GALNT13: variants seen among roughly 807,000 people sequenced by gnomAD.
GALNT13 encodes polypeptide N-acetylgalactosaminyltransferase 13.
In GALNT13, 28 loss-of-function variants were observed where a neutral mutation model predicts 64.2. That is an observed-to-expected ratio of 0.44 (90% confidence interval 0.32 to 0.60). GALNT13 has a LOEUF of 0.60. Ranked by LOEUF, GALNT13 falls within the 20% of genes least tolerant of loss-of-function variation. GALNT13 has a pLI of 0.05. For synonymous variants in GALNT13, 214 were observed against 224.6 expected (o/e 0.95, Z 0.42); for missense variants, 577 against 669.8 (o/e 0.86, Z 1.53).
chr2:153,852,121 G>T, the GALNT13 span, among the ~76,000 whole-genome samples: 1 of 151,184 alleles, frequency 6.6e-6, no homozygotes, highest in East Asian at 1.9e-4. Flanking sequence ...AGAAATAGAA[G>T]TAAAAAAAAA....
chr2:153,488,686 A>G, the GALNT13 span, among the ~76,000 whole-genome samples: 142 of 152,336 alleles, frequency 9.3e-4, no homozygotes, highest in Non-Finnish European at 1.7e-3. Context: ...ATCCAGAGCT[A>G]TTTCCAGTAT....
intron 11 of GALNT13, among the ~76,000 whole-genome samples, chr2:154,423,227 C>A (rs1487605136): frequency 4.6e-5 from 7 of 152,076 alleles, no homozygotes; most frequent in African/African-American, 1.7e-4. Context: ...CATGTCCCTG[C>A]AAAGGACATG....
chr2:154,175,959 A>G (rs988912145), intron 4 of GALNT13, among the ~76,000 whole-genome samples: 1 of 152,112 alleles, frequency 6.6e-6, no homozygotes, highest in Non-Finnish European at 1.5e-5. Flanking sequence ...TTAAGGAAAC[A>G]TATTTTCCCC....
chr2:154,372,356 T>C (rs1329387637), intron 9 of GALNT13, among the ~76,000 whole-genome samples: 2 of 152,016 alleles, frequency 1.3e-5, no homozygotes, highest in Admixed American at 6.6e-5. Flanking sequence ...CCAGATGTAC[T>C]GATTGATTTG....
rs188226051 is a variant in GALNT13, at chr2:153,973,384, T to C, written c.142+28745T>C. ...AGAGTTACTGATGTTTACAAAGAAT[T>C]ACCACAAATCCTTTAATACACTATT... On this transcript the variant is annotated intron_variant, in intron 3 of 12. Coordinates refer to ENST00000392825, the MANE Select transcript of GALNT13 (RefSeq NM_052917.4). 3.7e-4 allele frequency among the ~76,000 whole-genome samples: 56 copies of C among 152,112 alleles called. 1 individual carries two copies. The highest frequency in any genetic ancestry group is 5.9e-5 in the Non-Finnish European group (4 of 67,908).
chr2:153,115,271 A>G, the GALNT13 span, among the ~76,000 whole-genome samples: 1 of 152,154 alleles, frequency 6.6e-6, no homozygotes, highest in Non-Finnish European at 1.5e-5. Context: ...TCCATATCCA[A>G]GTTATCCAGG....
intron 4 of GALNT13, among the ~76,000 whole-genome samples, chr2:154,213,940 T>G (rs1377936803): frequency 6.6e-6 from 1 of 152,188 alleles, no homozygotes. Context: ...ATTTTTCTTC[T>G]TAACTACACA....
At chr2:153,835,756 A>ATACTT in the GALNT13 span, among the ~76,000 whole-genome samples, 1 of 152,186 alleles carries the variant, frequency 6.6e-6, no homozygotes, top group Non-Finnish European at 1.5e-5. Context: ...TCATATTAAA[A>ATACTT]TACTTTAAAT....
chr2:154,189,294 T>A lies in GALNT13; in HGVS notation c.311+48789T>A, dbSNP rs148457760. ...GTTGGATAATGTTATGGACTGAATGTTTATGTCCCCAAAATTCATATGTGG... is the reference window on the plus strand; with the variant it reads ...GTTGGATAATGTTATGGACTGAATGATTATGTCCCCAAAATTCATATGTGG... On this transcript the variant is annotated intron_variant, in intron 4 of 12. Transcript: ENST00000392825. Among the ~76,000 whole-genome samples, 32 of 152,018 alleles carry A rather than the reference T, an allele frequency of 2.1e-4. No individual in the cohort carries two copies. In the East Asian group the frequency reaches 5.2e-3, roughly 25 times the overall value.
the GALNT13 span, among the ~76,000 whole-genome samples, chr2:153,547,757 T>C: frequency 3.9e-5 from 6 of 152,172 alleles, no homozygotes; most frequent in Non-Finnish European, 8.8e-5. Context: ...TTTGCAAATA[T>C]TACTGGGCAA....
chr2:153,173,697 C>T, the GALNT13 span, among the ~76,000 whole-genome samples: 1 of 151,936 alleles, frequency 6.6e-6, no homozygotes, highest in African/African-American at 2.4e-5. Context: ...ATACATTCAC[C>T]CCATCCCAAC....
In GALNT13 at chr2:154,054,357, A is replaced by T. The variant is rs529549563; in HGVS notation, c.143-85980A>T. ...TTTCAAATAATTCATTTTTATTTTT[A>T]TGTTATGAACTGACATTCTTTTCCT... On this transcript the variant is annotated intron_variant, in intron 3 of 12. Coordinates refer to ENST00000392825, the MANE Select transcript of GALNT13 (RefSeq NM_052917.4). Among the ~76,000 whole-genome samples, 5 of 151,926 alleles carry T rather than the reference A, an allele frequency of 3.3e-5. No homozygotes were observed. The East Asian group carries it at 7.7e-4, about 24-fold the overall frequency.
At chr2:153,972,279 C>T (rs1417861066) in intron 3 of GALNT13, among the ~76,000 whole-genome samples, 1 of 152,040 alleles carries the variant, frequency 6.6e-6, no homozygotes, top group African/African-American at 2.4e-5. Flanking sequence ...AAATGTTCCA[C>T]AGTCATAGAA....
intron 7 of GALNT13, among the ~76,000 whole-genome samples, chr2:154,253,538 T>G (rs537075499): frequency 1.3e-5 from 2 of 152,286 alleles, no homozygotes; most frequent in South Asian, 4.1e-4. Context: ...AGCATGCACC[T>G]GTCATCCTGA....
At chr2:154,166,135 TG>T (rs1264986695) in intron 4 of GALNT13, among the ~76,000 whole-genome samples, 1 of 152,342 alleles carries the variant, frequency 6.6e-6, no homozygotes, top group East Asian at 1.9e-4. Flanking sequence ...CTGGGCACTG[TG>T]GTTCATGCCT....
At chr2:153,114,614 C>T in the GALNT13 span, among the ~76,000 whole-genome samples, 1 of 152,090 alleles carries the variant, frequency 6.6e-6, no homozygotes, top group Non-Finnish European at 1.5e-5. Flanking sequence ...TTGCTTTTGA[C>T]AACTCAGTGT....
the GALNT13 span, among the ~76,000 whole-genome samples, chr2:153,147,147 G>A: frequency 2.1e-5 from 3 of 139,788 alleles, no homozygotes; most frequent in Non-Finnish European, 4.7e-5. Context: ...TTCCCATTTG[G>A]GCAAAAAAGA....
the GALNT13 span, among the ~76,000 whole-genome samples, chr2:153,431,141 C>T: frequency 4.1e-5 from 6 of 146,100 alleles, no homozygotes; most frequent in African/African-American, 7.6e-5. Context: ...CAGAGAGAGA[C>T]TCTGTCAAAA....
At chr2:154,148,375 G>T (rs563538024) in intron 4 of GALNT13, among the ~76,000 whole-genome samples, 1 of 151,996 alleles carries the variant, frequency 6.6e-6, no homozygotes, top group Non-Finnish European at 1.5e-5. Context: ...GAATAGTGCC[G>T]CAATAAACAT....
Sources: allele counts gnomAD v4.1 joint callset (sites outside exome capture counted in the v4.1 genomes callset), GRCh38; gene constraint gnomAD v4.1.1; transcripts MANE v1.5; gene names NCBI Gene and HGNC (gene_info 2026-07-23, HGNC 2026-07-21).